NBR1: variants seen among roughly 807,000 people sequenced by gnomAD.
NBR1 encodes next to BRCA1 gene 1 protein.
Under a neutral mutation model 115.5 loss-of-function variants are expected in NBR1, and 59 were observed. The ratio of observed to expected loss-of-function variants is 0.51; its 90% CI spans 0.41 to 0.63. The LOEUF (loss-of-function observed/expected upper bound fraction) is 0.63, where lower values mean the gene tolerates loss of function less well. NBR1 is among the 30% of genes least tolerant of loss of function. The pLI, the probability that NBR1 is intolerant of heterozygous loss-of-function variation, is 0.00. For synonymous variants in NBR1, 373 were observed against 414.7 expected (o/e 0.90, Z 1.22); for missense variants, 1,043 against 1,150.5 (o/e 0.91, Z 1.35).
At chr17:43,175,220 G>A (rs756894887) in intron 1 of NBR1, among the ~76,000 whole-genome samples, 49 of 152,204 alleles carry the variant, frequency 3.2e-4, no homozygotes, top group Non-Finnish European at 6.2e-4. Context: ...GTTTTGGCCT[G>A]TAAGTTCGTA....
rs2057169213 is a variant in NBR1 at position 43,200,366 on chromosome 17, C to T, written c.2226C>T (p.Thr742=). The T allele has an allele frequency of 6.4e-6, 10 of 1,563,932 alleles. No homozygotes were observed. The highest frequency in any genetic ancestry group is 7.8e-6 in the Non-Finnish European group (9 of 1,154,136). The change falls in exon 17 of 21, where the codon ACC becomes ACT. Residue 742 remains threonine, a synonymous_variant. Transcript: ENST00000590996. ...YIIILPECFD[T]SRPLGDSMYS... is the part of the protein sequence containing the mutation. ...TCATCCTGCCTGAGTGCTTTGATAC[C>T]AGCCGCCCCCTGGGGGATTCTATGT... is the stretch of plus-strand genomic sequence containing the variant.
intron 19 of NBR1, among the ~76,000 whole-genome samples, chr17:43,203,033 GTAAT>G (rs2057237947): frequency 6.6e-6 from 1 of 152,088 alleles, no homozygotes; most frequent in African/African-American, 2.4e-5. Context: ...GCGGGCACCT[GTAAT>G]CCCAGCTACT....
chr17:43,204,914 C>T (rs987853567), intron 20 of NBR1, among the ~76,000 whole-genome samples: 7 of 151,710 alleles, frequency 4.6e-5, no homozygotes, highest in Middle Eastern at 3.4e-3. Flanking sequence ...TTGAGGCTGC[C>T]GTAGTGAGCC....
At chr17:43,204,694 A>G (rs936311529) in intron 20 of NBR1, among the ~76,000 whole-genome samples, 7 of 151,620 alleles carry the variant, frequency 4.6e-5, no homozygotes, top group Middle Eastern at 3.4e-3. Context: ...AGGCACCTGT[A>G]GTCCCAGCTA....
In NBR1 at chr17:43,186,232, C is replaced by T. The variant is rs1276614289; in HGVS notation, c.208-18C>T. 6.5e-7 allele frequency: 1 copy of T among 1,546,130 alleles called. No homozygotes were observed. The highest frequency in any genetic ancestry group is 2.4e-5 in the East Asian group (1 of 41,132). On this transcript the variant is annotated intron_variant, in intron 5 of 20. Coordinates refer to ENST00000590996, the MANE Select transcript of NBR1 (RefSeq NM_005899.5). ...ATAATCACGTCGCATGTTTTTGTTTCATAATGTATGCTCTTAGATGGCAGT... is the reference window on the plus strand; with the variant it reads ...ATAATCACGTCGCATGTTTTTGTTTTATAATGTATGCTCTTAGATGGCAGT...
intron 14 of NBR1, 111 bp downstream of exon 14, chr17:43,195,150 C>T: frequency 2.4e-6 from 2 of 822,156 alleles, no homozygotes; most frequent in South Asian, 3.1e-5. Context: ...ATTTCTCCCA[C>T]AGTAGGATAG....
At chr17:43,194,793 G>GT in intron 13 of NBR1, 171 bp from the exon 14 acceptor site, 1 of 636,492 alleles carries the variant, frequency 1.6e-6, no homozygotes, top group Non-Finnish European at 2.8e-6. Flanking sequence ...CTGCTATTGG[G>GT]TTATTTCAAC....
chr17:43,194,533 A>G, intron 13 of NBR1, 34 bp downstream of exon 13: 1 of 1,611,746 alleles, frequency 6.2e-7, no homozygotes, highest in East Asian at 2.2e-5. Context: ...GGCAAGGGAC[A>G]GAGGGAGAGA....
At position 43,189,071 on chromosome 17, in the gene NBR1, C is replaced by A; in HGVS notation, c.432C>A (p.Asp144Glu). ...QSFPLVPCDT[D>E]QPQDKPPDWF... ...TTCCACTTGTTCCATGTGACACAGA[C>A]CAGCCTCAAGACAAGCCCCCAGACT... Residue 144 changes from aspartate to glutamate, a missense_variant, in exon 7 of 21, where the codon GAC becomes GAA. Coordinates refer to ENST00000590996, the MANE Select transcript of NBR1 (RefSeq NM_005899.5). The A allele has an allele frequency of 6.2e-7, 1 of 1,612,828 alleles. No individual in the cohort carries two copies. Among genetic ancestry groups the A allele is most frequent in the Non-Finnish European group, 8.5e-7 (1 of 1,178,888 alleles).
At position 43,210,128 on chromosome 17, in the gene NBR1, G is replaced by A; in HGVS notation, c.*54G>A. 3.3e-6 allele frequency: 5 copies of A among 1,526,870 alleles called. No individual in the cohort carries two copies. The highest frequency in any genetic ancestry group is 4.5e-6 in the Non-Finnish European group (5 of 1,123,470). The allele number at this position is 1,526,870 out of a possible 1,614,324, so 94.6% of individuals were successfully genotyped here. A position where few individuals can be genotyped will look rare whatever the true frequency, so the allele number is the denominator to read the frequency against. On this transcript the variant is annotated 3_prime_UTR_variant, in exon 21 of 21. Coordinates refer to ENST00000590996, the MANE Select transcript of NBR1 (RefSeq NM_005899.5). ...GCTGCTCAGAGATGATCTTTATTCT[G>A]TCATTGGGGTATGGGATAGAAGCCC...
chr17:43,197,155 T>C (rs1435377528), intron 16 of NBR1, 49 bp downstream of exon 16: 2 of 1,555,004 alleles, frequency 1.3e-6, no homozygotes, highest in Non-Finnish European at 1.8e-6. Flanking sequence ...ACCTGAATTG[T>C]GACTGCCAGA....
chr17:43,185,447 C>T (rs1453251498), intron 5 of NBR1, among the ~76,000 whole-genome samples: 2 of 152,092 alleles, frequency 1.3e-5, no homozygotes, highest in Non-Finnish European at 2.9e-5. Flanking sequence ...CACCTGTAGT[C>T]CCAGTTACTC....
chr17:43,204,214 A>C (rs2057267001), intron 20 of NBR1, among the ~76,000 whole-genome samples: 1 of 151,790 alleles, frequency 6.6e-6, no homozygotes, highest in Non-Finnish European at 1.5e-5. Flanking sequence ...CTGGGATTAC[A>C]GGTGTGAGCC....
chr17:43,175,973 C>T, intron 2 of NBR1, 72 bp downstream of exon 2: 2 of 902,762 alleles, frequency 2.2e-6, no homozygotes, highest in South Asian at 1.5e-5. Flanking sequence ...CTATTTTTAG[C>T]AGTGTTGTTT....
In NBR1 at chr17:43,193,238, G is replaced by C. The variant is rs1216877069; in HGVS notation, c.1218G>C (p.Trp406Cys). The change falls in exon 11 of 21, where the codon TGG becomes TGC. Residue 406 changes from tryptophan to cysteine, a missense_variant. Physicochemically the swap from Trp to Cys is radical, Grantham distance 215 (BLOSUM62 -2). Coordinates refer to ENST00000590996, the MANE Select transcript of NBR1 (RefSeq NM_005899.5). ...WRMKNTGNVK[W>C]SADTKLKFMW... ...TGAAAAATACAGGAAATGTAAAGTG[G>C]AGTGCAGACACAAAGGTAATTTTTC... 6.2e-7 allele frequency: 1 copy of C among 1,613,958 alleles called. No individual in the cohort carries two copies.
At position 43,190,612 on chromosome 17, in the gene NBR1, A is replaced by T; in HGVS notation, c.699A>T (p.Leu233=). 3 of 1,578,240 alleles carry T rather than the reference A, an allele frequency of 1.9e-6. No homozygotes were observed. Among genetic ancestry groups the T allele is most frequent in the Middle Eastern group, 3.3e-4 (2 of 6,022 alleles). The change falls in exon 9 of 21, where the codon CTA becomes CTT. Residue 233 remains leucine (L), a synonymous_variant. Transcript: ENST00000590996. The part of the protein sequence containing the change: ...RIVGVRYQCS[L]CPSYNICEDC... ...TTGTGCCATTCTTTCCCCACAGCCTATGCCCATCCTACAATATCTGTGAAG... is the reference window on the plus strand; with the variant it reads ...TTGTGCCATTCTTTCCCCACAGCCTTTGCCCATCCTACAATATCTGTGAAG...
At position 43,190,666 on chromosome 17, in the gene NBR1, C is replaced by T. The variant is rs1323964080; in HGVS notation, c.753C>T (p.Asp251=). ...GTGAAGCAGGGCCATATGGCCATGA[C>T]ACTAACCACGTCCTGCTGAAGTTGC... The part of the protein sequence containing the change: ...EDCEAGPYGH[D]TNHVLLKLRR... Residue 251 remains aspartate, a synonymous_variant, in exon 9 of 21, where the codon GAC becomes GAT. Transcript: ENST00000590996. 2 of 1,612,756 alleles carry T rather than the reference C, an allele frequency of 1.2e-6. No individual in the cohort carries two copies. Among genetic ancestry groups the T allele is most frequent in the Non-Finnish European group, 1.7e-6 (2 of 1,179,352 alleles).
chr17:43,181,000 T>C (rs1567847871), intron 5 of NBR1, among the ~76,000 whole-genome samples, 183 bp downstream of exon 5: 2 of 152,030 alleles, frequency 1.3e-5, no homozygotes, highest in South Asian at 4.1e-4. Flanking sequence ...GCCTCCCGAG[T>C]AGCTGGAACT....
chr17:43,185,278 T>G (rs949447577), intron 5 of NBR1, among the ~76,000 whole-genome samples: 1 of 152,084 alleles, frequency 6.6e-6, no homozygotes, highest in Non-Finnish European at 1.5e-5. Flanking sequence ...TGACAAAAAA[T>G]TTTTTAAATT....
Sources: gnomAD v4.1 joint callset for allele counts (sites outside exome capture counted in the v4.1 genomes callset) on GRCh38, gnomAD v4.1.1 for gene constraint, MANE v1.5 for transcripts, NCBI Gene and HGNC (gene_info 2026-07-23, HGNC 2026-07-21) for gene names.